Variants in BBIP1 observed in about 807,000 individuals in gnomAD.
BBIP1 encodes BBSome-interacting protein 1.
A neutral mutation model predicts 8.9 loss-of-function variants in BBIP1; 6 were observed. That is an observed-to-expected ratio of 0.67 (90% CI 0.37 to 1.33). The LOEUF (loss-of-function observed/expected upper bound fraction) is 1.33. BBIP1 is among the 40% of genes most tolerant of loss of function. The pLI, the probability that BBIP1 is intolerant of heterozygous loss-of-function variation, is 0.02. For missense variants in BBIP1, 111 were observed against 109.2 expected (o/e 1.02, Z -0.07); for synonymous variants, 32 against 33.4 (o/e 0.96, Z 0.14).
intron 2 of BBIP1, among the ~76,000 whole-genome samples, chr10:110,908,804 AAAAG>A (rs1846203974): frequency 6.6e-6 from 1 of 152,166 alleles, no homozygotes; most frequent in Non-Finnish European, 1.5e-5. Context: ...AAAAAAAAAA[AAAAG>A]AGTTACGAGC....
At chr10:110,904,802 A>C (rs1015080662) in intron 2 of BBIP1, 1 of 152,342 alleles carries the variant, frequency 6.6e-6, no homozygotes, top group East Asian at 1.9e-4. Flanking sequence ...AAATCATGGA[A>C]CATCCATAGA....
intron 3 of BBIP1, 98 bp from the exon 4 acceptor site, chr10:110,900,624 T>A (rs995145446): frequency 9.3e-5 from 94 of 1,011,718 alleles, no homozygotes; most frequent in Non-Finnish European, 1.2e-4. Context: ...AATTAATCTC[T>A]TGTCACTGAA....
chr10:110,905,762 T>G (rs1372984325), intron 2 of BBIP1, among the ~76,000 whole-genome samples: 1 of 152,202 alleles, frequency 6.6e-6, no homozygotes, highest in East Asian at 1.9e-4. Context: ...CACTGATGTT[T>G]AAATTTCTTA....
chr10:110,907,903 A>G lies in BBIP1; in HGVS notation c.38-6291T>C, dbSNP rs942932560. On this transcript the variant is annotated intron_variant, in intron 2 of 3. Coordinates refer to ENST00000448814, the MANE Select transcript of BBIP1 (RefSeq NM_001195305.3). ...CTGTTTAGAAACTTTAATATGCTAAAGTATGTGATACATTTCAAACAGGGG... is the reference window on the plus strand; with the variant it reads ...CTGTTTAGAAACTTTAATATGCTAAGGTATGTGATACATTTCAAACAGGGG... The G allele has an allele frequency of 9.3e-5, 57 of 615,008 alleles. 2 individuals carry two copies. In the Middle Eastern group the frequency reaches 6.1e-3, roughly 66 times the overall value. The allele number at this position is 615,008 out of a possible 1,614,324, so 38.1% of individuals were successfully genotyped here. A position where few individuals can be genotyped will look rare whatever the true frequency, so the allele number is the denominator to read the frequency against.
At chr10:110,903,393 A>T (rs1027979677) in intron 2 of BBIP1, 2 of 152,234 alleles carry the variant, frequency 1.3e-5, no homozygotes, top group Admixed American at 1.3e-4. Context: ...AGCCAAAGGG[A>T]TGGTAGGGAG....
At chr10:110,905,284 C>T (rs967280370) in intron 2 of BBIP1, among the ~76,000 whole-genome samples, 4 of 151,124 alleles carry the variant, frequency 2.6e-5, no homozygotes, top group Non-Finnish European at 5.9e-5. Flanking sequence ...GGTGTGGGGG[C>T]TGGGCGCGGT....
chr10:110,901,952 T>C (rs1478035198), intron 2 of BBIP1: 1 of 218,828 alleles, frequency 4.6e-6, no homozygotes, highest in Non-Finnish European at 9.4e-6. Context: ...GCGTGGTTCG[T>C]TGATAGCATC....
At chr10:110,915,166 T>G (rs751796779) in intron 2 of BBIP1, among the ~76,000 whole-genome samples, 4 of 152,166 alleles carry the variant, frequency 2.6e-5, no homozygotes, top group Non-Finnish European at 5.9e-5. Flanking sequence ...TTTCTTTTTT[T>G]GTTTTTTTAA....
At chr10:110,914,602 G>A (rs1398174727) in intron 2 of BBIP1, among the ~76,000 whole-genome samples, 5 of 152,152 alleles carry the variant, frequency 3.3e-5, no homozygotes, top group Non-Finnish European at 7.3e-5. Context: ...AGTAACATAT[G>A]ACATCATATG....
Position 110,898,953 on chromosome 10 carries a change from ATTG to A in BBIP1, c.*1404_*1406del, listed in dbSNP as rs1845900494. On this transcript the variant is annotated 3_prime_UTR_variant, in exon 4 of 4. Coordinates refer to ENST00000448814, the MANE Select transcript of BBIP1 (RefSeq NM_001195305.3). ...AAAAATGCAGGTATCACTTTACTCC[ATTG>A]TTATCTGACCTAGAGCTTAATTAAG... 2 of 152,092 alleles carry A rather than the reference ATTG, an allele frequency of 1.3e-5. No individual in the cohort carries two copies. The highest frequency in any genetic ancestry group is 4.8e-5 in the African/African-American group (2 of 41,368). The allele number at this position is 152,092 out of a possible 1,614,324, so 9.4% of individuals were successfully genotyped here.
intron 2 of BBIP1, chr10:110,902,654 C>T (rs1303244700): frequency 1.3e-5 from 2 of 152,376 alleles, no homozygotes; most frequent in East Asian, 3.9e-4. Context: ...ATTCAAGTCT[C>T]TTCCTCTCTC....
intron 3 of BBIP1, chr10:110,901,104 A>G: frequency 2.2e-6 from 1 of 454,590 alleles, no homozygotes; most frequent in South Asian, 1.6e-5. Context: ...AGCCTAGGCA[A>G]CACATTGAGA....
chr10:110,903,538 A>G (rs1270631771), intron 2 of BBIP1: 1 of 152,348 alleles, frequency 6.6e-6, no homozygotes, highest in Admixed American at 6.5e-5. Context: ...AAGGGCTAAA[A>G]TAAGCAAGGT....
rs1186618682 is a variant in BBIP1 at position 110,900,496 on chromosome 10, A to G, written c.143T>C (p.Met48Thr). The G allele has an allele frequency of 1.3e-6, 2 of 1,534,406 alleles. No homozygotes were observed. The highest frequency in any genetic ancestry group is 4.9e-5 in the East Asian group (2 of 40,800). The change falls in exon 4 of 4, where the codon ATG (methionine) becomes ACG (threonine). Residue 48 changes from methionine (M) to threonine (T), a missense_variant. Transcript: ENST00000448814. ...GPLFVEDIMT[M>T]VLCKPKLLPL... ...TAAAAGTTTGGGTTTACACAGCACC[A>G]TTGTCATTATATCTTCCACAAACAG...
chr10:110,919,058 A>G (rs1398888749), intron 1 of BBIP1, 63 bp downstream of exon 1: 1 of 152,376 alleles, frequency 6.6e-6, no homozygotes, highest in African/African-American at 2.4e-5. Context: ...AATCCGGAGT[A>G]TGAATTAACT....
At chr10:110,910,366 ACACT>A (rs977091261) in intron 2 of BBIP1, among the ~76,000 whole-genome samples, 1 of 152,244 alleles carries the variant, frequency 6.6e-6, no homozygotes, top group Non-Finnish European at 1.5e-5. Context: ...AGGCCAGTTC[ACACT>A]CAGTCTGCAA....
chr10:110,906,964 T>A (rs1255931542), intron 2 of BBIP1: 1 of 152,240 alleles, frequency 6.6e-6, no homozygotes, highest in Non-Finnish European at 1.5e-5. Flanking sequence ...TGACCTATCA[T>A]CAAGAAATAA....
At chr10:110,917,344 CA>C (rs1227683311) in intron 2 of BBIP1, among the ~76,000 whole-genome samples, 1 of 151,668 alleles carries the variant, frequency 6.6e-6, no homozygotes, top group African/African-American at 2.4e-5. Context: ...TGGAGAACTT[CA>C]AAATTCTTAG....
intron 2 of BBIP1, among the ~76,000 whole-genome samples, chr10:110,915,982 G>A (rs1232638207): frequency 6.6e-6 from 1 of 152,208 alleles, no homozygotes; most frequent in Non-Finnish European, 1.5e-5. Flanking sequence ...GGGATTATAG[G>A]TGTGAGCCAC....
Sources: allele counts gnomAD v4.1 joint callset (sites outside exome capture counted in the v4.1 genomes callset), GRCh38; gene constraint gnomAD v4.1.1; transcripts MANE v1.5; gene names NCBI Gene and HGNC (gene_info 2026-07-23, HGNC 2026-07-21).